HLCS: variants seen among roughly 807,000 people sequenced by gnomAD.
HLCS encodes holocarboxylase synthetase.
In HLCS, 53 loss-of-function variants were observed where a neutral mutation model predicts 75.0. That is an observed-to-expected ratio of 0.71 (90% CI 0.57 to 0.89). HLCS has a LOEUF of 0.89. Ranked by LOEUF, HLCS falls within the 40% of genes least tolerant of loss-of-function variation. The pLI is 0.00. For synonymous variants in HLCS, 431 were observed against 428.6 expected, an observed-to-expected ratio of 1.01 and a Z score of -0.07; for missense variants, 966 against 1,074.0, an observed-to-expected ratio of 0.90 and a Z score of 1.41.
chr21:36,926,513 T>C (rs2066413293), intron 5 of HLCS, among the ~76,000 whole-genome samples: 1 of 152,224 alleles, frequency 6.6e-6, no homozygotes, highest in Non-Finnish European at 1.5e-5. Context: ...CAGTCATTTG[T>C]TTTTAGTTTT....
intron 6 of HLCS, among the ~76,000 whole-genome samples, chr21:36,805,442 T>C (rs1170556758): frequency 1.3e-5 from 2 of 152,210 alleles, no homozygotes; most frequent in Admixed American, 6.5e-5. Context: ...AGGAAGGACA[T>C]GACCTCCCCA....
intron 6 of HLCS, among the ~76,000 whole-genome samples, chr21:36,835,044 G>A (rs902720956): frequency 3.3e-5 from 5 of 152,172 alleles, no homozygotes; most frequent in African/African-American, 1.2e-4. Flanking sequence ...CCAGGTGAGG[G>A]TCTTCAGCCT....
intron 2 of HLCS, chr21:36,948,293 A>G (rs994785650): frequency 3.3e-5 from 1 of 30,184 alleles, no homozygotes; most frequent in Non-Finnish European, 7.3e-5. Context: ...TCCGTCTAGA[A>G]AAAAAAAAAA....
At chr21:36,984,809 TTAAA>T (rs2069195569) in intron 1 of HLCS, among the ~76,000 whole-genome samples, 1 of 152,084 alleles carries the variant, frequency 6.6e-6, no homozygotes, top group Non-Finnish European at 1.5e-5. Context: ...TCTATCAAAA[TTAAA>T]TAAACAAATA....
intron 6 of HLCS, among the ~76,000 whole-genome samples, chr21:36,887,185 G>A (rs1462309381): frequency 1.3e-5 from 2 of 151,802 alleles, no homozygotes; most frequent in South Asian, 2.1e-4. Context: ...TGACCAAGCC[G>A]GGTAGCACCT....
chr21:36,967,013 T>G, upstream of HLCS, among the ~76,000 whole-genome samples: 3 of 145,548 alleles, frequency 2.1e-5, no homozygotes, highest in African/African-American at 2.6e-5. Context: ...GGCTGAGGAG[T>G]GGGATGGGTA....
intron 6 of HLCS, among the ~76,000 whole-genome samples, chr21:36,777,427 G>A (rs1017496514): frequency 3.9e-5 from 6 of 152,228 alleles, no homozygotes; most frequent in African/African-American, 1.4e-4. Context: ...GGCCAGACTC[G>A]GCCCAAGGGC....
At chr21:36,811,822 G>C (rs1394192674) in intron 6 of HLCS, among the ~76,000 whole-genome samples, 3 of 152,334 alleles carry the variant, frequency 2.0e-5, no homozygotes, top group Admixed American at 2.0e-4. Context: ...CAGATGGTGT[G>C]AGGTGGCCAA....
At chr21:36,883,772 C>T (rs1040168565) in intron 6 of HLCS, among the ~76,000 whole-genome samples, 2 of 152,324 alleles carry the variant, frequency 1.3e-5, no homozygotes, top group African/African-American at 2.4e-5. Flanking sequence ...GGGCTTTCCA[C>T]AGCACCACCT....
intron 6 of HLCS, among the ~76,000 whole-genome samples, chr21:36,888,903 AAAAAC>A (rs1318166697): frequency 6.6e-6 from 1 of 152,152 alleles, no homozygotes; most frequent in Non-Finnish European, 1.5e-5. Context: ...CTGCAAAAAC[AAAAAC>A]AAAACACCAC....
intron 6 of HLCS, among the ~76,000 whole-genome samples, chr21:36,867,156 C>T (rs2063586643): frequency 6.6e-6 from 1 of 152,174 alleles, no homozygotes; most frequent in Non-Finnish European, 1.5e-5. Flanking sequence ...AGAGAAACAT[C>T]ACACATGTAC....
intron 4 of HLCS, among the ~76,000 whole-genome samples, chr21:36,934,597 A>G (rs2066794832): frequency 6.6e-6 from 1 of 152,144 alleles, no homozygotes; most frequent in Non-Finnish European, 1.5e-5. Flanking sequence ...GCATACAAAC[A>G]TTTCCTCTCT....
Position 36,937,321 on chromosome 21 carries a change from C to G in HLCS, c.565G>C (p.Glu189Gln), listed in dbSNP as rs1367114667. Reference protein sequence around the residue: ...QVSNKQAQILEPKPEPSLEIK... With the variant: ...QVSNKQAQILQPKPEPSLEIK... The stretch of plus-strand genomic sequence containing the variant: ...TCAAGAGAAGGTTCAGGCTTCGGCT[C>G]TAGGATCTGGGCTTGCTTGTTTGAG... Residue 189 changes from glutamate (E) to glutamine (Q), a missense_variant, in exon 4 of 11, where the codon GAG becomes CAG. Transcript: ENST00000674895. The G allele has an allele frequency of 1.2e-6, 2 of 1,614,100 alleles. No homozygotes were observed. Among genetic ancestry groups the G allele is most frequent in the Non-Finnish European group, 1.7e-6 (2 of 1,180,016 alleles).
chr21:36,878,127 T>C (rs955359078), intron 6 of HLCS, among the ~76,000 whole-genome samples: 86 of 152,152 alleles, frequency 5.7e-4, no homozygotes, highest in African/African-American at 1.9e-3. Context: ...TTATGTCTTC[T>C]GCCAAACTGA....
chr21:36,989,275 T>C lies in HLCS; in HGVS notation c.-393+883A>G, dbSNP rs529700737. Among the ~76,000 whole-genome samples, 43 of 145,962 alleles carry C rather than the reference T, an allele frequency of 2.9e-4. No homozygotes were observed. The South Asian group carries it at 9.1e-3, about 31-fold the overall frequency. On this transcript the variant is annotated intron_variant, in intron 1 of 11. Coordinates refer to the HLCS transcript ENST00000336648. ...ATTCTCCCACCTAGGCCTCCCAGCG[T>C]GCTGGGATTACAGGCGTGAGCCACA...
chr21:36,938,892 C>G lies in HLCS; in HGVS notation c.433G>C (p.Val145Leu), dbSNP rs1307129797. The change falls in exon 3 of 11, where the codon GTG (valine) becomes CTG (leucine). Residue 145 changes from valine to leucine, a missense_variant. Val to Leu is a conservative substitution (Grantham distance 32). Transcript: ENST00000674895. ...TGGAGTCTATCTTCCATGAACGCCA[C>G]CCCCAGCTTGCTGAAGTTGTCCACA... ...ASVDNFSKLGVAFMEDRLHMD... is the reference protein window; with the variant it reads ...ASVDNFSKLGLAFMEDRLHMD... 20 of 1,613,844 alleles carry G rather than the reference C, an allele frequency of 1.2e-5. No individual in the cohort carries two copies. Among genetic ancestry groups the G allele is most frequent in the Non-Finnish European group, 1.7e-5 (20 of 1,179,976 alleles).
intron 6 of HLCS, among the ~76,000 whole-genome samples, chr21:36,799,192 A>G (rs191307986): frequency 6.6e-5 from 10 of 152,278 alleles, no homozygotes; most frequent in Non-Finnish European, 7.4e-5. Context: ...ATTTTTCCAT[A>G]TGGTGTCATG....
At chr21:36,791,614 G>A (rs1048688462) in intron 6 of HLCS, among the ~76,000 whole-genome samples, 1 of 152,084 alleles carries the variant, frequency 6.6e-6, no homozygotes, top group African/African-American at 2.4e-5. Context: ...CCTACTCTAG[G>A]TGGGTTAGTA....
intron 6 of HLCS, among the ~76,000 whole-genome samples, chr21:36,836,283 T>C (rs2146075244): frequency 6.6e-6 from 1 of 152,262 alleles, no homozygotes; most frequent in East Asian, 1.9e-4. Context: ...GGATGATTAT[T>C]TGCTTACCAG....
Sources: gnomAD v4.1 joint callset for allele counts (sites outside exome capture counted in the v4.1 genomes callset) on GRCh38, gnomAD v4.1.1 for gene constraint, MANE v1.5 for transcripts, NCBI Gene and HGNC (gene_info 2026-07-23, HGNC 2026-07-21) for gene names.